Variants in SUFU observed in about 807,000 individuals in gnomAD.
The protein encoded by SUFU is suppressor of fused homolog.
SUFU carries 7 observed loss-of-function variants against 58.9 expected under a neutral mutation model. That is an observed-to-expected ratio of 0.12 (90% confidence interval 0.07 to 0.22). The LOEUF is 0.22. Among genes scored for constraint, SUFU ranks in the 10% least tolerant of loss-of-function variants. The probability of loss-of-function intolerance (pLI) is 1.00; values close to 1 mark genes in which losing one functional copy is unlikely to be tolerated. For missense variants in SUFU, 451 were observed against 641.3 expected (o/e 0.70, Z 3.20); for synonymous variants, 232 against 254.8 (o/e 0.91, Z 0.85).
At chr10:102,562,964 G>T (rs1245046412) in intron 3 of SUFU, among the ~76,000 whole-genome samples, 1 of 152,192 alleles carries the variant, frequency 6.6e-6, no homozygotes, top group Non-Finnish European at 1.5e-5. Context: ...CTGTGCGGTG[G>T]GTAGCGTGGT....
chr10:102,626,163 G>T (rs970183460), intron 10 of SUFU, among the ~76,000 whole-genome samples: 3 of 152,076 alleles, frequency 2.0e-5, no homozygotes, highest in Non-Finnish European at 2.9e-5. Flanking sequence ...AGGGGGAGGG[G>T]TGAAGGAAGG....
At chr10:102,626,627 A>G (rs545022014) in intron 10 of SUFU, among the ~76,000 whole-genome samples, 5 of 152,062 alleles carry the variant, frequency 3.3e-5, no homozygotes, top group Non-Finnish European at 7.4e-5. Flanking sequence ...GTCATCTGTA[A>G]AATGAGACGT....
In SUFU at chr10:102,629,269, A is replaced by C. The variant is rs930794625; in HGVS notation, c.1366-797A>C. Among the ~76,000 whole-genome samples the C allele has an allele frequency of 1.3e-4, 20 of 152,238 alleles. No homozygotes were observed. The highest frequency in any genetic ancestry group is 4.8e-4 in the African/African-American group (20 of 41,460). On this transcript the variant is annotated intron_variant, in intron 11 of 11. Transcript: ENST00000369902. This position sits in a 1 kb window ranked among gnomAD's most constrained non-coding sequence, Gnocchi z 4.7. Reference sequence around the variant, plus strand: ...GACTGCATGCAAAGTTCTACAGTAAAGAGGGAATAAGAGGCATCAGCCTCT... The same window carrying C: ...GACTGCATGCAAAGTTCTACAGTAACGAGGGAATAAGAGGCATCAGCCTCT...
In SUFU at chr10:102,629,813, G is replaced by A. The variant is rs2063821204; in HGVS notation, c.1366-253G>A. On this transcript the variant is annotated intron_variant, in intron 11 of 11. Coordinates refer to ENST00000369902, the MANE Select transcript of SUFU (RefSeq NM_016169.4). The surrounding 1 kb of genome is among the most constrained non-coding windows in gnomAD (Gnocchi z 4.7). ...TGAGCAAGAGGGAGGTCAGCTTAGT[G>A]GAGAAAGGAGGAGAAAACGCCCTCC... Among the ~76,000 whole-genome samples the A allele has an allele frequency of 6.6e-6, 1 of 152,180 alleles. No individual in the cohort carries two copies. Among genetic ancestry groups the A allele is most frequent in the Admixed American group, 6.5e-5 (1 of 15,280 alleles).
In SUFU at chr10:102,619,353, C is replaced by T; in HGVS notation, c.1296+1925C>T. ...TGAGGCCCAGCACCCGCTGGCTCCCCAGCACATGGTCCCCTCCCATGGGCT... is the reference window on the plus strand; with the variant it reads ...TGAGGCCCAGCACCCGCTGGCTCCCTAGCACATGGTCCCCTCCCATGGGCT... On this transcript the variant is annotated intron_variant, in intron 10 of 11. Transcript: ENST00000369902. The surrounding 1 kb of genome is among the most constrained non-coding windows in gnomAD (Gnocchi z 4.2). The T allele has an allele frequency of 7.0e-7, 1 of 1,420,020 alleles. No homozygotes were observed. Among genetic ancestry groups the T allele is most frequent in the Non-Finnish European group, 9.2e-7 (1 of 1,089,452 alleles). The allele number at this position is 1,420,020 out of a possible 1,614,324, so 88.0% of individuals were successfully genotyped here.
chr10:102,626,793 G>A (rs1564711234), intron 10 of SUFU, among the ~76,000 whole-genome samples: 2 of 152,112 alleles, frequency 1.3e-5, no homozygotes, highest in Admixed American at 6.5e-5. Flanking sequence ...GCCTGACTGG[G>A]CAGCAGCTTT....
chr10:102,541,213 A>C (rs1431430945), intron 2 of SUFU, among the ~76,000 whole-genome samples: 1 of 152,144 alleles, frequency 6.6e-6, no homozygotes, highest in Admixed American at 6.6e-5. Flanking sequence ...ACCAAAAGTG[A>C]GAACTATACA....
intron 3 of SUFU, among the ~76,000 whole-genome samples, chr10:102,569,389 G>A (rs1331366711): frequency 6.6e-6 from 1 of 152,120 alleles, no homozygotes; most frequent in Non-Finnish European, 1.5e-5. Context: ...TAGCTTTAAA[G>A]CTGGCCGTAT....
chr10:102,627,087 G>T, intron 10 of SUFU, 88 bp from the exon 11 acceptor site: 1 of 1,391,652 alleles, frequency 7.2e-7, no homozygotes, highest in Non-Finnish European at 1.0e-6. Context: ...TCTCCTCCAT[G>T]GTCAGAAGAG....
At chr10:102,545,505 T>C (rs1027447453) in intron 2 of SUFU, among the ~76,000 whole-genome samples, 2 of 152,094 alleles carry the variant, frequency 1.3e-5, no homozygotes, top group Non-Finnish European at 2.9e-5. Flanking sequence ...TGTTTAACTT[T>C]TTTAGGAACT....
chr10:102,590,456 C>T (rs1055819478), intron 3 of SUFU, among the ~76,000 whole-genome samples: 1 of 152,074 alleles, frequency 6.6e-6, no homozygotes, highest in Non-Finnish European at 1.5e-5. Context: ...TGAGCCACCA[C>T]GCCAGGCCTG....
At chr10:102,541,697 C>CTTTTTTTT (rs869264798) in intron 2 of SUFU, among the ~76,000 whole-genome samples, 3 of 56,092 alleles carry the variant, frequency 5.3e-5, no homozygotes, top group Admixed American at 2.9e-4. Context: ...CCGCGCCCGG[C>CTTTTTTTT]TTTTTTTTTT....
intron 2 of SUFU, among the ~76,000 whole-genome samples, chr10:102,537,254 C>T (rs139311157): frequency 6.6e-6 from 1 of 151,654 alleles, no homozygotes; most frequent in East Asian, 1.9e-4. Flanking sequence ...GCTACAGACT[C>T]CGAGTAGCTG....
chr10:102,570,671 G>C (rs2063151101), intron 3 of SUFU, among the ~76,000 whole-genome samples: 1 of 152,016 alleles, frequency 6.6e-6, no homozygotes, highest in Non-Finnish European at 1.5e-5. Flanking sequence ...GACCCAGCTG[G>C]GTGACTTCTG....
At chr10:102,572,323 G>A (rs935980771) in intron 3 of SUFU, among the ~76,000 whole-genome samples, 11 of 150,356 alleles carry the variant, frequency 7.3e-5, no homozygotes, top group Non-Finnish European at 1.6e-4. Flanking sequence ...TGATCCGTCT[G>A]CCTCGGCCTC....
chr10:102,609,945 A>G (rs912974082), intron 8 of SUFU, among the ~76,000 whole-genome samples: 5 of 152,226 alleles, frequency 3.3e-5, no homozygotes, highest in Admixed American at 1.3e-4. Flanking sequence ...GGCTGTGAAC[A>G]CTCCAAGGGA....
chr10:102,503,835 A>G (rs1377754884), upstream of SUFU, among the ~76,000 whole-genome samples: 4 of 152,114 alleles, frequency 2.6e-5, no homozygotes, highest in South Asian at 2.1e-4. Flanking sequence ...CAACACAGGG[A>G]GGGGAGGCGG....
At chr10:102,578,545 T>G (rs1245523424) in intron 3 of SUFU, among the ~76,000 whole-genome samples, 1 of 151,790 alleles carries the variant, frequency 6.6e-6, no homozygotes, top group Non-Finnish European at 1.5e-5. Flanking sequence ...CTGTCTGTAC[T>G]AAAAGTACAA....
At chr10:102,586,553 G>A (rs2063337685) in intron 3 of SUFU, among the ~76,000 whole-genome samples, 1 of 152,014 alleles carries the variant, frequency 6.6e-6, no homozygotes, top group Non-Finnish European at 1.5e-5. Context: ...GGTGCCTGTA[G>A]TCCCAGCTAC....
Sources: gnomAD v4.1 joint callset for allele counts (sites outside exome capture counted in the v4.1 genomes callset) on GRCh38, gnomAD v4.1.1 for gene constraint, Gnocchi (gnomAD v3.1) non-coding constraint, MANE v1.5 for transcripts, NCBI Gene and HGNC (gene_info 2026-07-23, HGNC 2026-07-21) for gene names.